The following ERC1 variants were observed in gnomAD, a reference collection of about 807,000 sequenced individuals.
ERC1 encodes the protein RAB6 interacting protein 2.
A neutral mutation model predicts 132.0 loss-of-function variants in ERC1; 56 were observed. The ratio of observed to expected loss-of-function variants is 0.42; its 90% CI spans 0.34 to 0.53. The LOEUF (loss-of-function observed/expected upper bound fraction) is 0.53. Among genes scored for constraint, ERC1 ranks in the 20% least tolerant of loss-of-function variants. The pLI, the probability that ERC1 is intolerant of heterozygous loss-of-function variation, is 0.03. For missense variants in ERC1, 1,202 were observed against 1,349.9 expected, an observed-to-expected ratio of 0.89 and a Z score of 1.72; for synonymous variants, 478 against 476.1, an observed-to-expected ratio of 1.00 and a Z score of -0.05.
At chr12:1,226,221 A>G (rs2074563313) in intron 12 of ERC1, among the ~76,000 whole-genome samples, 2 of 152,230 alleles carry the variant, frequency 1.3e-5, no homozygotes, top group Admixed American at 1.3e-4. Flanking sequence ...ATGGAGAATG[A>G]ATTATCTCAT....
chr12:1,433,584 G>A (rs536191180), intron 17 of ERC1, among the ~76,000 whole-genome samples: 2 of 152,316 alleles, frequency 1.3e-5, no homozygotes, highest in South Asian at 4.1e-4. Context: ...TCTGGGAAAT[G>A]ATGTGTGGAT....
chr12:1,455,427 T>C (rs2093510817), intron 18 of ERC1, among the ~76,000 whole-genome samples: 1 of 152,194 alleles, frequency 6.6e-6, no homozygotes, highest in East Asian at 1.9e-4. Context: ...TCTGTTTACT[T>C]TAGGATGCTC....
Position 1,141,808 on chromosome 12 carries a change from G to T in ERC1, c.1737+21G>T, listed in dbSNP as rs776883172. Reference sequence around the variant, plus strand: ...AGAAGGTAAGGTACAGGTGTTTCGAGTTCAGTGGCCCATTCCTCATACATC... The same window carrying T: ...AGAAGGTAAGGTACAGGTGTTTCGATTTCAGTGGCCCATTCCTCATACATC... On this transcript the variant is annotated intron_variant, in intron 8 of 18. Transcript: ENST00000360905. 4.6e-6 allele frequency: 7 copies of T among 1,527,648 alleles called. No individual in the cohort carries two copies. In the East Asian group the frequency reaches 7.1e-5, roughly 15 times the overall value. 94.6% of individuals were successfully genotyped at this position (1,527,648 alleles called of 1,614,324 possible). A position where few individuals can be genotyped will look rare whatever the true frequency, so the allele number is the denominator to read the frequency against.
Position 1,028,441 on chromosome 12 carries a change from A to G in ERC1, c.538A>G (p.Ser180Gly). The G allele has an allele frequency of 6.2e-7, 1 of 1,614,210 alleles. No individual in the cohort carries two copies. Among genetic ancestry groups the G allele is most frequent in the Non-Finnish European group, 8.5e-7 (1 of 1,180,034 alleles). Residue 180 changes from serine (S) to glycine (G), a missense_variant, in exon 2 of 19, where the codon AGT (serine) becomes GGT (glycine). Coordinates refer to ENST00000360905, the MANE Select transcript of ERC1 (RefSeq NM_178040.4). ...KDVEVKESKL[S>G]SSMNSIKTFW... is the part of the protein sequence containing the mutation. ...TGTGGAAGTAAAGGAGAGCAAATTG[A>G]GTTCTTCAATGAATAGCATCAAGAC...
chr12:1,257,527 TA>T (rs2076889079), intron 13 of ERC1, among the ~76,000 whole-genome samples: 1 of 152,238 alleles, frequency 6.6e-6, no homozygotes, highest in Non-Finnish European at 1.5e-5. Flanking sequence ...GTTAGAGTAA[TA>T]AATGCTATTT....
At chr12:1,405,494 A>G (rs2091418874) in intron 16 of ERC1, among the ~76,000 whole-genome samples, 1 of 152,110 alleles carries the variant, frequency 6.6e-6, no homozygotes, top group South Asian at 2.1e-4. Flanking sequence ...ATATGAGGTC[A>G]GGAGTTCGAG....
chr12:1,103,358 A>C (rs569859437), intron 3 of ERC1, among the ~76,000 whole-genome samples: 15 of 152,152 alleles, frequency 9.9e-5, no homozygotes, highest in Non-Finnish European at 1.9e-4. Flanking sequence ...CTTGGGCTCT[A>C]GTTGGAGTCG....
At chr12:1,095,000 G>A (rs1345716546) in intron 3 of ERC1, among the ~76,000 whole-genome samples, 1 of 152,006 alleles carries the variant, frequency 6.6e-6, no homozygotes, top group East Asian at 1.9e-4. Context: ...GGGTGCTGAG[G>A]GCTAAGACTT....
intron 2 of ERC1, among the ~76,000 whole-genome samples, chr12:1,071,558 T>C (rs111473973): frequency 0.025 from 3,785 of 152,224 alleles, 148 homozygotes; most frequent in African/African-American, 0.087. Context: ...GTTTTTTTTT[T>C]TTAATTGAGT....
At chr12:1,307,004 C>A (rs993464468) in intron 15 of ERC1, among the ~76,000 whole-genome samples, 3 of 152,072 alleles carry the variant, frequency 2.0e-5, no homozygotes, top group Non-Finnish European at 4.4e-5. Flanking sequence ...GAAGTGCTGA[C>A]GGGCTCCGGA....
Position 1,440,603 on chromosome 12 carries a change from TGTGTGTGTGTGTGTGTGTGTGTG to T in ERC1, c.3025-3958_3025-3936del, listed in dbSNP as rs2093116636. Among the ~76,000 whole-genome samples the T allele has an allele frequency of 9.9e-4, 15 of 15,094 alleles. 2 individuals carry two copies. Among genetic ancestry groups the T allele is most frequent in the African/African-American group, 2.3e-3 (15 of 6,614 alleles). 9.9% of individuals were successfully genotyped at this position (15,094 alleles called of 152,430 possible). ...GCAATCCCCCTGCCTCAGCCTTTTGTGTGTGTGTGTGTGTGTGTGTGTGTGTGTGTGTGTGTGTGTGTGTGTGT... is the reference window on the plus strand; with the variant it reads ...GCAATCCCCCTGCCTCAGCCTTTTGTTGTGTGTGTGTGTGTGTGTGTGTGT... On this transcript the variant is annotated intron_variant, in intron 17 of 18. Coordinates refer to ENST00000360905, the MANE Select transcript of ERC1 (RefSeq NM_178040.4).
At chr12:1,106,882 GAA>G (rs1236217540) in intron 4 of ERC1, among the ~76,000 whole-genome samples, 2 of 152,234 alleles carry the variant, frequency 1.3e-5, no homozygotes, top group Non-Finnish European at 2.9e-5. Context: ...CTAAGAAGGA[GAA>G]AGATTCTGGT....
rs780998272 is a variant in ERC1 at position 1,190,038 on chromosome 12, A to G, written c.2337A>G (p.Ile779Met). The G allele has an allele frequency of 1.2e-6, 2 of 1,613,458 alleles. No homozygotes were observed. The highest frequency in any genetic ancestry group is 2.2e-5 in the South Asian group (2 of 91,002). ...ENEKNDKDKK[I>M]AELERQVKDQ... is the part of the protein sequence containing the mutation. ...AGAAGAATGACAAAGATAAGAAGATAGCTGAGTTGGAAAGGTAAGAAAGTG... is the reference window on the plus strand; with the variant it reads ...AGAAGAATGACAAAGATAAGAAGATGGCTGAGTTGGAAAGGTAAGAAAGTG... The change falls in exon 12 of 19, where the codon ATA (isoleucine) becomes ATG (methionine). Residue 779 changes from isoleucine (I) to methionine (M), a missense_variant. Physicochemically the swap from Ile to Met is conservative, Grantham distance 10. Coordinates refer to ENST00000360905, the MANE Select transcript of ERC1 (RefSeq NM_178040.4).
rs1005004148 is a variant in ERC1 at position 1,495,336 on chromosome 12, G to A, written c.*5106G>A. The A allele has an allele frequency of 1.8e-5, 4 of 228,346 alleles. No homozygotes were observed. The Admixed American group carries it at 2.3e-4, about 13-fold the overall frequency. The allele number at this position is 228,346 out of a possible 1,614,324, so 14.1% of individuals were successfully genotyped here. ...CAGGCCCTCAATTATTTCCCTTTGA[G>A]CTTTTTTAGACCCTAGATCTCCTAG... On this transcript the variant is annotated 3_prime_UTR_variant, in exon 19 of 19. Transcript: ENST00000360905.
chr12:1,262,554 C>T (rs746939193), intron 13 of ERC1, among the ~76,000 whole-genome samples: 6 of 152,160 alleles, frequency 3.9e-5, no homozygotes, highest in African/African-American at 9.7e-5. Context: ...TTTAAGAAAT[C>T]GTTTGCTGAC....
At chr12:1,060,756 C>T (rs1410750225) in intron 2 of ERC1, among the ~76,000 whole-genome samples, 21 of 145,658 alleles carry the variant, frequency 1.4e-4, no homozygotes, top group Non-Finnish European at 2.3e-4. Context: ...GACGGAGTCT[C>T]GCTTTGTTGC....
intron 7 of ERC1, among the ~76,000 whole-genome samples, chr12:1,136,802 T>C (rs1308658077): frequency 6.6e-6 from 1 of 152,112 alleles, no homozygotes; most frequent in Non-Finnish European, 1.5e-5. Context: ...CTATTTCCTC[T>C]TCCTAGATAT....
At chr12:1,314,301 A>G (rs2081533653) in intron 15 of ERC1, among the ~76,000 whole-genome samples, 2 of 152,226 alleles carry the variant, frequency 1.3e-5, no homozygotes, top group African/African-American at 2.4e-5. Flanking sequence ...ATACACGCAG[A>G]TGACTAATAA....
intron 15 of ERC1, among the ~76,000 whole-genome samples, chr12:1,368,710 T>C (rs1464325251): frequency 6.6e-6 from 1 of 152,238 alleles, no homozygotes; most frequent in African/African-American, 2.4e-5. Flanking sequence ...TCCCTCATAC[T>C]ATCCACTTCA....
Sources: allele counts gnomAD v4.1 joint callset (sites outside exome capture counted in the v4.1 genomes callset), GRCh38; gene constraint gnomAD v4.1.1; transcripts MANE v1.5; gene names NCBI Gene and HGNC (gene_info 2026-07-23, HGNC 2026-07-21).